The following GLIS3 variants were observed in gnomAD, a reference collection of about 807,000 sequenced individuals.
GLIS3 encodes the protein zinc finger protein GLIS3.
A neutral mutation model predicts 78.6 loss-of-function variants in GLIS3; 53 were observed. The observed-to-expected ratio is 0.67, with a 90% CI of 0.54 to 0.85. GLIS3 has a LOEUF of 0.85. Ranked by LOEUF, GLIS3 falls within the 40% of genes least tolerant of loss-of-function variation. The probability of loss-of-function intolerance (pLI) is 0.00; values close to 1 mark genes in which losing one functional copy is unlikely to be tolerated. For synonymous variants in GLIS3, 684 were observed against 509.9 expected (o/e 1.34, Z -4.60); for missense variants, 1,703 against 1,231.1 (o/e 1.38, Z -5.74).
chr9:4,298,063 C>T (rs1427614421), intron 1 of GLIS3, among the ~76,000 whole-genome samples: 1 of 152,134 alleles, frequency 6.6e-6, no homozygotes, highest in African/African-American at 2.4e-5. Context: ...AGGGAGCGAA[C>T]GCAGCGCAAC....
rs756694471 is a variant in GLIS3 at position 3,896,670 on chromosome 9, T to TAATTAAAAAAAAAAAAA, written c.2128+2020_2128+2021insTTTTTTTTTTTTTAATT. ...GACAGAGTGAGACTCCCATCTCAAT[T>TAATTAAAAAAAAAAAAA]AAAAAAAAAAAGAAGTAGAGAGGGT... On this transcript the variant is annotated intron_variant, in intron 7 of 10. Coordinates refer to ENST00000381971, the MANE Select transcript of GLIS3 (RefSeq NM_001042413.2). Among the ~76,000 whole-genome samples, 13 of 50,006 alleles carry TAATTAAAAAAAAAAAAA rather than the reference T, an allele frequency of 2.6e-4. 1 individual carries two copies. Among genetic ancestry groups the TAATTAAAAAAAAAAAAA allele is most frequent in the Admixed American group, 7.1e-4 (2 of 2,816 alleles). 32.8% of individuals were successfully genotyped at this position (50,006 alleles called of 152,430 possible).
At chr9:4,477,070 C>T in the GLIS3 span, among the ~76,000 whole-genome samples, 1 of 151,784 alleles carries the variant, frequency 6.6e-6, no homozygotes, top group South Asian at 2.1e-4. Flanking sequence ...GGGTATATGC[C>T]CAAAATAATT....
chr9:3,953,760 GCTCTCTCTCTCTCTCT>G (rs71507912), intron 4 of GLIS3, among the ~76,000 whole-genome samples: 1 of 103,380 alleles, frequency 9.7e-6, no homozygotes, highest in Non-Finnish European at 2.0e-5. Context: ...AATTAGATTT[GCTCTCTCTCTCTCTCT>G]CTCTCTCTCT....
chr9:4,297,304 G>A (rs1056342794), intron 1 of GLIS3, among the ~76,000 whole-genome samples: 1 of 152,142 alleles, frequency 6.6e-6, no homozygotes, highest in African/African-American at 2.4e-5. Flanking sequence ...TCTCTTAACC[G>A]GGACCTGAGA....
chr9:4,214,976 G>C (rs1250269957), intron 2 of GLIS3, among the ~76,000 whole-genome samples: 1 of 152,216 alleles, frequency 6.6e-6, no homozygotes, highest in Non-Finnish European at 1.5e-5. Context: ...AGTTAAGTGA[G>C]AGAGGGTGAG....
chr9:4,239,337 A>C (rs1020830832), intron 2 of GLIS3, among the ~76,000 whole-genome samples: 5 of 152,082 alleles, frequency 3.3e-5, no homozygotes, highest in African/African-American at 9.7e-5. Context: ...AAACCAAAAA[A>C]AATGTTCTCT....
chr9:4,039,015 T>C (rs1340106939), intron 4 of GLIS3, among the ~76,000 whole-genome samples: 1 of 152,118 alleles, frequency 6.6e-6, no homozygotes, highest in Non-Finnish European at 1.5e-5. Context: ...GCCACAACAA[T>C]AGGAATCATC....
intron 4 of GLIS3, among the ~76,000 whole-genome samples, chr9:4,087,894 CTTGG>C (rs1402034334): frequency 1.3e-5 from 2 of 152,166 alleles, no homozygotes; most frequent in East Asian, 3.9e-4. Flanking sequence ...TTATCCATAC[CTTGG>C]TTACCTCACT....
At chr9:4,354,122 C>A in the GLIS3 span, among the ~76,000 whole-genome samples, 7 of 151,986 alleles carry the variant, frequency 4.6e-5, no homozygotes, top group Admixed American at 4.6e-4. Context: ...AGGCGTGAGC[C>A]ACCACGCCCG....
chr9:3,964,484 GAAT>G (rs1817784422), intron 4 of GLIS3, among the ~76,000 whole-genome samples: 1 of 152,110 alleles, frequency 6.6e-6, no homozygotes, highest in South Asian at 2.1e-4. Context: ...AATTTTCCAG[GAAT>G]TCAATCACAC....
chr9:4,431,843 T>TGAAAA, the GLIS3 span, among the ~76,000 whole-genome samples: 1 of 115,026 alleles, frequency 8.7e-6, no homozygotes, highest in East Asian at 2.4e-4. Flanking sequence ...AAACTCCATC[T>TGAAAA]GAAAAAAAAA....
At chr9:4,408,429 T>TAA in the GLIS3 span, among the ~76,000 whole-genome samples, 312 of 134,230 alleles carry the variant, frequency 2.3e-3, no homozygotes, top group African/African-American at 8.0e-3. Context: ...TAATGGATAT[T>TAA]AAAAAAAAAA....
At chr9:4,069,484 C>G (rs1467788754) in intron 4 of GLIS3, among the ~76,000 whole-genome samples, 3 of 152,182 alleles carry the variant, frequency 2.0e-5, no homozygotes, top group Non-Finnish European at 4.4e-5. Context: ...ACTAAAAGAC[C>G]AGTCCCTGAG....
At chr9:4,031,886 C>T (rs1256925576) in intron 4 of GLIS3, among the ~76,000 whole-genome samples, 2 of 152,158 alleles carry the variant, frequency 1.3e-5, no homozygotes, top group African/African-American at 4.8e-5. Context: ...TCTTTTTAAA[C>T]CCGCATTTTT....
chr9:4,314,874 G>C (rs886968452), intron 2 of GLIS3, among the ~76,000 whole-genome samples: 3 of 152,192 alleles, frequency 2.0e-5, no homozygotes, highest in African/African-American at 7.2e-5. Context: ...CGGGCACCCA[G>C]CGAACCCTGC....
intron 2 of GLIS3, among the ~76,000 whole-genome samples, chr9:4,255,186 A>G (rs1331046869): frequency 6.6e-6 from 1 of 152,198 alleles, no homozygotes; most frequent in Non-Finnish European, 1.5e-5. Context: ...TATCATGACT[A>G]CCTAAATTCA....
At chr9:4,170,234 G>C (rs1816256235) in intron 2 of GLIS3, among the ~76,000 whole-genome samples, 1 of 152,214 alleles carries the variant, frequency 6.6e-6, no homozygotes. Flanking sequence ...AGACTGTGAA[G>C]ATAGGAATTA....
chr9:4,329,855 C>A (rs188283507), intron 2 of GLIS3, among the ~76,000 whole-genome samples: 44 of 152,234 alleles, frequency 2.9e-4, no homozygotes, highest in African/African-American at 1.0e-3. Flanking sequence ...ATGATGAATT[C>A]GACTGAAACA....
chr9:4,231,969 C>T (rs757794129), intron 2 of GLIS3, among the ~76,000 whole-genome samples: 1 of 152,196 alleles, frequency 6.6e-6, no homozygotes, highest in Non-Finnish European at 1.5e-5. Flanking sequence ...CCAACCAATA[C>T]TTTTTTTGGG....
Sources: gnomAD v4.1 joint callset for allele counts (sites outside exome capture counted in the v4.1 genomes callset) on GRCh38, gnomAD v4.1.1 for gene constraint, MANE v1.5 for transcripts, NCBI Gene and HGNC (gene_info 2026-07-23, HGNC 2026-07-21) for gene names.